The following GRIN2B variants were observed in gnomAD, a reference collection of about 807,000 sequenced individuals.
GRIN2B encodes the protein glutamate receptor ionotropic, NMDA 2B.
Under a neutral mutation model 114.5 loss-of-function variants are expected in GRIN2B, and 5 were observed. The observed-to-expected ratio is 0.04, with a 90% confidence interval of 0.02 to 0.09. The LOEUF (loss-of-function observed/expected upper bound fraction) is 0.09. GRIN2B is among the 10% of genes least tolerant of loss of function. The probability of loss-of-function intolerance (pLI) is 1.00; values close to 1 mark genes in which losing one functional copy is unlikely to be tolerated. For missense variants in GRIN2B, 1,108 were observed against 1,943.5 expected, an observed-to-expected ratio of 0.57 and a Z score of 8.08; for synonymous variants, 787 against 745.1, an observed-to-expected ratio of 1.06 and a Z score of -0.92.
chr12:13,957,657 C>T (rs1867615667), intron 2 of GRIN2B, among the ~76,000 whole-genome samples: 1 of 152,160 alleles, frequency 6.6e-6, no homozygotes, highest in African/African-American at 2.4e-5. Flanking sequence ...AAGAGACCCA[C>T]CCAGGAGCTG....
In GRIN2B at chr12:13,615,343, C is replaced by T. The variant is rs993773764; in HGVS notation, c.1501-76G>A. Reference sequence around the variant, plus strand: ...CCACCACAAGGAAAATACAGCCTATCAGTGGTTTTCTTTGTATAGTGGGAA... The same window carrying T: ...CCACCACAAGGAAAATACAGCCTATTAGTGGTTTTCTTTGTATAGTGGGAA... On this transcript the variant is annotated intron_variant, in intron 7 of 13. Coordinates refer to ENST00000609686, the MANE Select transcript of GRIN2B (RefSeq NM_000834.5). The surrounding 1 kb of genome is among the most constrained non-coding windows in gnomAD (Gnocchi z 5.8). The T allele has an allele frequency of 3.3e-6, 5 of 1,503,570 alleles. No individual in the cohort carries two copies. Among genetic ancestry groups the T allele is most frequent in the Non-Finnish European group, 4.6e-6 (5 of 1,079,880 alleles). The allele number at this position is 1,503,570 out of a possible 1,614,324, so 93.1% of individuals were successfully genotyped here.
intron 3 of GRIN2B, among the ~76,000 whole-genome samples, chr12:13,863,107 G>A (rs1323570467): frequency 6.6e-6 from 1 of 152,166 alleles, no homozygotes. Context: ...AGCAATGAAG[G>A]AAGGAGCAAG....
At chr12:13,817,769 C>T (rs781382645) in intron 3 of GRIN2B, among the ~76,000 whole-genome samples, 3 of 152,230 alleles carry the variant, frequency 2.0e-5, no homozygotes, top group South Asian at 2.1e-4. Context: ...GGTTTCCAAC[C>T]GCTCAGGAAT....
At chr12:13,914,874 A>G (rs1266994835) in intron 2 of GRIN2B, among the ~76,000 whole-genome samples, 3 of 152,216 alleles carry the variant, frequency 2.0e-5, no homozygotes, top group Non-Finnish European at 4.4e-5. Flanking sequence ...AAAAGAGTAA[A>G]TCTCTTGAAA....
chr12:13,971,861 G>C (rs1052236110), intron 2 of GRIN2B, among the ~76,000 whole-genome samples: 5 of 152,130 alleles, frequency 3.3e-5, no homozygotes, highest in Admixed American at 3.3e-4. Context: ...TTAGTGTTGA[G>C]AGAGCTTCCC....
intron 9 of GRIN2B, chr12:13,609,936 G>A (rs1488538064): frequency 6.6e-6 from 1 of 152,150 alleles, no homozygotes; most frequent in Non-Finnish European, 1.5e-5. Context: ...TGTATGTATT[G>A]TGACCTCACT....
At chr12:13,745,406 G>A (rs1376495010) in intron 4 of GRIN2B, among the ~76,000 whole-genome samples, 1 of 152,184 alleles carries the variant, frequency 6.6e-6, no homozygotes, top group East Asian at 1.9e-4. Flanking sequence ...TAAGAACCAA[G>A]GGAGCAAGAG....
chr12:13,703,760 T>C (rs537756210), intron 4 of GRIN2B, among the ~76,000 whole-genome samples: 11 of 152,328 alleles, frequency 7.2e-5, no homozygotes, highest in African/African-American at 2.6e-4. Flanking sequence ...CTTTTCCTTA[T>C]TTTAAGTAAG....
chr12:13,917,397 G>A (rs1227742102), intron 2 of GRIN2B, among the ~76,000 whole-genome samples: 3 of 152,192 alleles, frequency 2.0e-5, no homozygotes. Context: ...AGTGGGAGCT[G>A]GAGACCCTCT....
At chr12:13,575,673 CAATAATAATAATAAT>C (rs58985272) in intron 10 of GRIN2B, among the ~76,000 whole-genome samples, 2 of 147,640 alleles carry the variant, frequency 1.4e-5, no homozygotes, top group African/African-American at 5.0e-5. Context: ...ATGATAACAA[CAATAATAATAATAAT>C]AATAATAATC....
At chr12:13,590,236 T>C (rs1948987836) in intron 10 of GRIN2B, among the ~76,000 whole-genome samples, 1 of 152,130 alleles carries the variant, frequency 6.6e-6, no homozygotes, top group Non-Finnish European at 1.5e-5. Flanking sequence ...TATTTATTTA[T>C]TTTATTTTAA....
At chr12:13,822,609 C>T (rs1864960053) in intron 3 of GRIN2B, among the ~76,000 whole-genome samples, 1 of 151,884 alleles carries the variant, frequency 6.6e-6, no homozygotes, top group Non-Finnish European at 1.5e-5. Flanking sequence ...TTTACAACAC[C>T]TCTGTTAAGT....
intron 13 of GRIN2B, among the ~76,000 whole-genome samples, chr12:13,566,130 C>T (rs1297359599): frequency 6.6e-6 from 1 of 152,044 alleles, no homozygotes; most frequent in African/African-American, 2.4e-5. Context: ...TAACTCACAG[C>T]CAGAAAGGAC....
At position 13,560,213 on chromosome 12, in the gene GRIN2B, A is replaced by G. The variant is rs1948524202; in HGVS notation, c.*2570T>C. 2 of 152,278 alleles carry G rather than the reference A, an allele frequency of 1.3e-5. No individual in the cohort carries two copies. Among genetic ancestry groups the G allele is most frequent in the South Asian group, 4.1e-4 (2 of 4,830 alleles). The allele number at this position is 152,278 out of a possible 1,614,324, so 9.4% of individuals were successfully genotyped here. A position where few individuals can be genotyped will look rare whatever the true frequency, so the allele number is the denominator to read the frequency against. The stretch of plus-strand genomic sequence containing the variant: ...TGGCTTTTTCACCATAGTGGCCTCC[A>G]TGAGCATTCGCTTTTTCCAGACACC... On this transcript the variant is annotated 3_prime_UTR_variant, in exon 14 of 14. Coordinates refer to ENST00000609686, the MANE Select transcript of GRIN2B (RefSeq NM_000834.5).
chr12:13,611,660 A>T, intron 9 of GRIN2B, 65 bp downstream of exon 9: 1 of 1,471,274 alleles, frequency 6.8e-7, no homozygotes, highest in Non-Finnish European at 9.5e-7. Context: ...ACAAATGAGG[A>T]GTCCAGAGAT....
intron 4 of GRIN2B, among the ~76,000 whole-genome samples, chr12:13,744,408 C>T (rs1863337698): frequency 6.6e-6 from 1 of 152,130 alleles, no homozygotes; most frequent in African/African-American, 2.4e-5. Context: ...AATACATGCA[C>T]ACATGAATAT....
chr12:13,841,020 A>G (rs1003550352), intron 3 of GRIN2B, among the ~76,000 whole-genome samples: 1 of 152,212 alleles, frequency 6.6e-6, no homozygotes, highest in Non-Finnish European at 1.5e-5. Flanking sequence ...ACAAATATAT[A>G]TTGGAGCAGC....
chr12:13,604,805 C>T (rs1210946067), intron 10 of GRIN2B, among the ~76,000 whole-genome samples: 2 of 152,170 alleles, frequency 1.3e-5, no homozygotes, highest in Non-Finnish European at 2.9e-5. Context: ...ATATAACTGT[C>T]CATGACACTG....
intron 5 of GRIN2B, among the ~76,000 whole-genome samples, chr12:13,640,392 C>T (rs1949704193): frequency 1.3e-5 from 2 of 152,144 alleles, no homozygotes; most frequent in East Asian, 3.9e-4. Flanking sequence ...AAAACCCCTG[C>T]TTCCATACTG....
Sources: gnomAD v4.1 joint callset for allele counts (sites outside exome capture counted in the v4.1 genomes callset) on GRCh38, gnomAD v4.1.1 for gene constraint, Gnocchi (gnomAD v3.1) non-coding constraint, MANE v1.5 for transcripts, NCBI Gene and HGNC (gene_info 2026-07-23, HGNC 2026-07-21) for gene names.